PRKD1: variants seen among roughly 807,000 people sequenced by gnomAD.
PRKD1 encodes the protein serine/threonine-protein kinase D1.
A neutral mutation model predicts 95.9 loss-of-function variants in PRKD1; 63 were observed. The observed-to-expected ratio is 0.66, with a 90% confidence interval of 0.54 to 0.81. The LOEUF is 0.81. Among genes scored for constraint, PRKD1 ranks in the 30% least tolerant of loss-of-function variants. The pLI, the probability that PRKD1 is intolerant of heterozygous loss-of-function variation, is 0.00. For missense variants in PRKD1, 1,048 were observed against 1,165.3 expected (o/e 0.90, Z 1.47); for synonymous variants, 425 against 423.1 (o/e 1.00, Z -0.05).
At position 29,761,594 on chromosome 14, in the gene PRKD1, C is replaced by A. The variant is rs530464356; in HGVS notation, c.265-35920G>T. Among the ~76,000 whole-genome samples, 12 of 152,204 alleles carry A rather than the reference C, an allele frequency of 7.9e-5. 1 individual carries two copies. In the South Asian group the frequency reaches 2.5e-3, roughly 32 times the overall value. On this transcript the variant is annotated intron_variant, in intron 1 of 17. Coordinates refer to ENST00000331968, the MANE Select transcript of PRKD1 (RefSeq NM_002742.3). The stretch of plus-strand genomic sequence containing the variant: ...CATGCCTGATGTTATTATTATTGTC[C>A]ATTATCCTGTGCTATCAGCTGATTA...
intron 1 of PRKD1, among the ~76,000 whole-genome samples, chr14:29,787,607 T>G (rs1889334714): frequency 6.6e-6 from 1 of 152,114 alleles, no homozygotes; most frequent in Non-Finnish European, 1.5e-5. Flanking sequence ...TTTTATATAT[T>G]TTTAACTTAA....
At chr14:29,583,665 A>T (rs1892820432) in intron 16 of PRKD1, among the ~76,000 whole-genome samples, 1 of 151,526 alleles carries the variant, frequency 6.6e-6, no homozygotes. Flanking sequence ...AATAGCCACA[A>T]CCGGGCATGT....
intron 1 of PRKD1, among the ~76,000 whole-genome samples, chr14:29,805,891 G>C (rs754658790): frequency 3.3e-5 from 5 of 152,198 alleles, no homozygotes; most frequent in Non-Finnish European, 7.3e-5. Context: ...CAATGAGGAG[G>C]AGAGAAGAAA....
intron 2 of PRKD1, among the ~76,000 whole-genome samples, chr14:29,709,627 C>T (rs759816036): frequency 1.3e-5 from 2 of 152,128 alleles, no homozygotes; most frequent in Non-Finnish European, 2.9e-5. Flanking sequence ...AGTTGGTAAG[C>T]TGGTGACCCA....
chr14:29,844,622 T>C (rs926574728), intron 1 of PRKD1, among the ~76,000 whole-genome samples: 2 of 152,206 alleles, frequency 1.3e-5, no homozygotes, highest in Admixed American at 6.5e-5. Context: ...CATGTATGTA[T>C]ATCATACATA....
At chr14:29,881,600 G>A (rs1461881412) in intron 1 of PRKD1, among the ~76,000 whole-genome samples, 1 of 151,814 alleles carries the variant, frequency 6.6e-6, no homozygotes, top group African/African-American at 2.4e-5. Flanking sequence ...TTTTGTTGGT[G>A]GTTTGGTTTG....
At chr14:29,681,694 A>G (rs1883548671) in intron 2 of PRKD1, among the ~76,000 whole-genome samples, 2 of 152,216 alleles carry the variant, frequency 1.3e-5, no homozygotes. Flanking sequence ...AAGGGCACTT[A>G]GATATGTTAA....
At chr14:29,810,603 T>C (rs1025023805) in intron 1 of PRKD1, among the ~76,000 whole-genome samples, 9 of 152,258 alleles carry the variant, frequency 5.9e-5, no homozygotes, top group African/African-American at 1.9e-4. Context: ...TTAGGATTTA[T>C]TTCAATAGAT....
At chr14:29,919,649 T>C (rs73243947) in intron 1 of PRKD1, among the ~76,000 whole-genome samples, 4,543 of 152,020 alleles carry the variant, frequency 0.03, 216 homozygotes, top group African/African-American at 0.1. Flanking sequence ...TTTCTTTGTA[T>C]CTAAATTCTA....
At chr14:29,771,916 A>G (rs1161197218) in intron 1 of PRKD1, among the ~76,000 whole-genome samples, 1 of 151,972 alleles carries the variant, frequency 6.6e-6, no homozygotes, top group Non-Finnish European at 1.5e-5. Context: ...CTTCCTTCCC[A>G]TTTCTCCCTT....
intron 16 of PRKD1, among the ~76,000 whole-genome samples, chr14:29,596,767 G>A (rs1442102323): frequency 6.6e-6 from 1 of 152,126 alleles, no homozygotes; most frequent in Non-Finnish European, 1.5e-5. Context: ...ACACTCCAAT[G>A]TATGTTAAAG....
At chr14:29,768,224 C>T (rs1034963916) in intron 1 of PRKD1, among the ~76,000 whole-genome samples, 2 of 152,132 alleles carry the variant, frequency 1.3e-5, no homozygotes, top group African/African-American at 4.8e-5. Flanking sequence ...TCCATCTACT[C>T]TGTAGGACTA....
intron 13 of PRKD1, among the ~76,000 whole-genome samples, chr14:29,614,240 C>T (rs984617612): frequency 1.3e-5 from 2 of 152,152 alleles, no homozygotes; most frequent in African/African-American, 2.4e-5. Context: ...TGAATGACCC[C>T]ATTGAATTGG....
chr14:29,609,712 TTA>T (rs1491281756), intron 13 of PRKD1, among the ~76,000 whole-genome samples: 4 of 100,584 alleles, frequency 4.0e-5, no homozygotes, highest in Admixed American at 9.5e-5. Context: ...AGCTATTTCT[TTA>T]TTTTTTTTTT....
At chr14:29,711,305 T>C (rs1210288562) in intron 2 of PRKD1, among the ~76,000 whole-genome samples, 1 of 152,118 alleles carries the variant, frequency 6.6e-6, no homozygotes, top group Non-Finnish European at 1.5e-5. Context: ...AGGAAGGGAA[T>C]AATATTTTAA....
intron 1 of PRKD1, among the ~76,000 whole-genome samples, chr14:29,798,210 T>C (rs770968857): frequency 3.7e-4 from 56 of 152,290 alleles, no homozygotes; most frequent in Non-Finnish European, 7.5e-4. Context: ...GCCCCTATAT[T>C]TTTTTCTTTG....
At chr14:29,804,504 T>C (rs189999515) in intron 1 of PRKD1, among the ~76,000 whole-genome samples, 63 of 152,114 alleles carry the variant, frequency 4.1e-4, no homozygotes, top group African/African-American at 1.4e-3. Context: ...AACAGGAGCA[T>C]TAGACTCTCA....
Position 29,904,682 on chromosome 14 carries a change from A to G in PRKD1, c.264+22567T>C, listed in dbSNP as rs1484493719. Among the ~76,000 whole-genome samples, 6 of 152,196 alleles carry G rather than the reference A, an allele frequency of 3.9e-5. No homozygotes were observed. In the East Asian group the frequency reaches 1.2e-3, roughly 29 times the overall value. On this transcript the variant is annotated intron_variant, in intron 1 of 17. Transcript: ENST00000331968. ...TGATCTTTATGCCAGTACTCCCCTT[A>G]CTGGGCAGGTTCTGATGGAGCTTAA...
At chr14:29,674,585 G>T (rs903115523) in intron 2 of PRKD1, among the ~76,000 whole-genome samples, 1 of 152,210 alleles carries the variant, frequency 6.6e-6, no homozygotes, top group African/African-American at 2.4e-5. Flanking sequence ...TCAAATTCTA[G>T]CTAATGAGTG....
Sources: gnomAD v4.1 joint callset for allele counts (sites outside exome capture counted in the v4.1 genomes callset) on GRCh38, gnomAD v4.1.1 for gene constraint, MANE v1.5 for transcripts, NCBI Gene and HGNC (gene_info 2026-07-23, HGNC 2026-07-21) for gene names.